MCEE: variants seen among roughly 807,000 people sequenced by gnomAD.
The protein encoded by MCEE is methylmalonyl-CoA epimerase, mitochondrial.
In MCEE, 6 loss-of-function variants were observed where a neutral mutation model predicts 12.9. The ratio of observed to expected loss-of-function variants is 0.47; its 90% CI spans 0.26 to 0.92. The LOEUF is 0.92. Among genes scored for constraint, MCEE ranks in the 40% least tolerant of loss-of-function variants. MCEE has a pLI of 0.16. For synonymous variants in MCEE, 78 were observed against 77.9 expected (o/e 1.00, Z -0.01); for missense variants, 214 against 212.1 (o/e 1.01, Z -0.05).
At chr2:71,114,463 A>G (rs1244452998) in intron 2 of MCEE, among the ~76,000 whole-genome samples, 5 of 152,210 alleles carry the variant, frequency 3.3e-5, no homozygotes, top group African/African-American at 1.2e-4. Context: ...AATAACAATG[A>G]ATTGGTATTG....
At chr2:71,128,098 A>AT (rs11426874) in intron 1 of MCEE, among the ~76,000 whole-genome samples, 42,209 of 151,856 alleles carry the variant, frequency 0.28, 6,918 homozygotes, top group East Asian at 0.63. Context: ...ACTATGATCA[A>AT]TTTTTTTTAT....
At position 71,111,954 on chromosome 2, in the gene MCEE, AG is replaced by A. The variant is rs144695284; in HGVS notation, c.379-1833del. Reference sequence around the variant, plus strand: ...TCTAGGTTGCTTGTTTGTTTCAGGGAGGATAAACTGATCTCTTTTACACCAA... The same window carrying A: ...TCTAGGTTGCTTGTTTGTTTCAGGGAGATAAACTGATCTCTTTTACACCAA... On this transcript the variant is annotated intron_variant, in intron 2 of 2. Transcript: ENST00000244217. 4.0e-3 allele frequency among the ~76,000 whole-genome samples: 606 copies of A among 152,298 alleles called. 45 individuals are homozygous for A. In the East Asian group the frequency reaches 0.093, roughly 23 times the overall value.
In MCEE at chr2:71,130,196, T is replaced by C. The variant is rs1673340709; in HGVS notation, c.24A>G (p.Ala8=). 1 of 1,608,464 alleles carries C rather than the reference T, an allele frequency of 6.2e-7. No individual in the cohort carries two copies. The highest frequency in any genetic ancestry group is 8.5e-7 in the Non-Finnish European group (1 of 1,178,448). MARVLKA[A]AANAVGLFSR... is the part of the protein sequence containing the mutation. ...GGTATTCACCTACGGCATTCGCGGC[T>C]GCAGCCTTCAGCACCCGCGCCATTT... Residue 8 remains alanine (A), a synonymous_variant, in exon 1 of 3, where the codon GCA becomes GCG. Coordinates refer to ENST00000244217, the MANE Select transcript of MCEE (RefSeq NM_032601.4).
At chr2:71,114,714 T>C (rs1029681305) in intron 2 of MCEE, among the ~76,000 whole-genome samples, 3 of 152,224 alleles carry the variant, frequency 2.0e-5, no homozygotes, top group African/African-American at 7.2e-5. Context: ...ATAAAGATGA[T>C]GTCACCGTGG....
intron 2 of MCEE, among the ~76,000 whole-genome samples, chr2:71,122,296 A>G (rs1253942408): frequency 6.6e-6 from 1 of 152,030 alleles, no homozygotes; most frequent in Non-Finnish European, 1.5e-5. Context: ...ACCACACCTG[A>G]CTAGCTTTTT....
chr2:71,111,673 C>T (rs981597900), intron 2 of MCEE, among the ~76,000 whole-genome samples: 5 of 152,160 alleles, frequency 3.3e-5, no homozygotes, highest in African/African-American at 9.7e-5. Context: ...ACTCTCTGTG[C>T]AGCTCTCCTT....
chr2:71,109,708 C>T lies in MCEE; in HGVS notation c.*262G>A, dbSNP rs72903553. On this transcript the variant is annotated 3_prime_UTR_variant, in exon 3 of 3. Coordinates refer to ENST00000244217, the MANE Select transcript of MCEE (RefSeq NM_032601.4). ...ATTGTAGAAGAGGAATAATTTATTT[C>T]TATATGATTTTAATAATGTTCCCTA... 0.028 allele frequency: 6,741 copies of T among 244,234 alleles called. 399 individuals are homozygous for T. Among genetic ancestry groups the T allele is most frequent in the African/African-American group, 0.13 (5,762 of 43,020 alleles). 15.1% of individuals were successfully genotyped at this position (244,234 alleles called of 1,614,324 possible).
chr2:71,125,207 ATATATTT>A (rs1432641611), intron 1 of MCEE, among the ~76,000 whole-genome samples: 1 of 46,602 alleles, frequency 2.1e-5, no homozygotes, highest in African/African-American at 6.2e-5. Context: ...ATATATATAT[ATATATTT>A]TTTTTTTTTT....
intron 1 of MCEE, among the ~76,000 whole-genome samples, chr2:71,127,788 G>C (rs755773347): frequency 3.9e-5 from 6 of 152,104 alleles, no homozygotes; most frequent in African/African-American, 1.4e-4. Flanking sequence ...CACCACGCCC[G>C]GTTAATTTTT....
intron 2 of MCEE, among the ~76,000 whole-genome samples, chr2:71,123,891 T>G (rs1366129054): frequency 1.3e-5 from 2 of 152,252 alleles, no homozygotes; most frequent in Non-Finnish European, 2.9e-5. Context: ...TGAAAACAGC[T>G]GTATTCCTGT....
intron 2 of MCEE, among the ~76,000 whole-genome samples, chr2:71,121,979 T>G (rs1673109232): frequency 6.6e-6 from 1 of 152,182 alleles, no homozygotes; most frequent in Non-Finnish European, 1.5e-5. Context: ...CTGCTATTGA[T>G]ATGACCATGG....
intron 2 of MCEE, among the ~76,000 whole-genome samples, chr2:71,114,274 A>C (rs922580830): frequency 1.3e-5 from 2 of 152,176 alleles, no homozygotes; most frequent in African/African-American, 4.8e-5. Context: ...AGGTGCAGCA[A>C]ACCACCATGG....
chr2:71,117,635 C>G (rs1367785936), intron 2 of MCEE: 1 of 150,266 alleles, frequency 6.7e-6, no homozygotes, highest in Non-Finnish European at 1.5e-5. Flanking sequence ...CATCTATTGT[C>G]TAATCACTCA....
chr2:71,122,511 T>C (rs1673118725), intron 2 of MCEE, among the ~76,000 whole-genome samples: 1 of 152,166 alleles, frequency 6.6e-6, no homozygotes, highest in Non-Finnish European at 1.5e-5. Flanking sequence ...TCCACGTGGC[T>C]GGGGAGGCCT....
chr2:71,117,213 T>G (rs1354938389), intron 2 of MCEE, among the ~76,000 whole-genome samples: 2 of 150,530 alleles, frequency 1.3e-5, no homozygotes, highest in African/African-American at 5.0e-5. Flanking sequence ...GCTGAGTGAA[T>G]TATGCAAGCC....
In MCEE at chr2:71,120,617, T is replaced by C. The variant is rs559933615; in HGVS notation, c.378+3589A>G. Among the ~76,000 whole-genome samples, 40 of 150,226 alleles carry C rather than the reference T, an allele frequency of 2.7e-4. 1 individual carries two copies. The highest frequency in any genetic ancestry group is 5.9e-4 in the Non-Finnish European group (40 of 68,012). On this transcript the variant is annotated intron_variant, in intron 2 of 2. Coordinates refer to ENST00000244217, the MANE Select transcript of MCEE (RefSeq NM_032601.4). ...TCGTCAAGTGAGTCAACAAAAACCA[T>C]GGAGCATGCACCAACAGATATATGC...
chr2:71,116,117 G>A (rs1672987488), intron 2 of MCEE, among the ~76,000 whole-genome samples: 1 of 149,948 alleles, frequency 6.7e-6, no homozygotes. Flanking sequence ...GTCTTGCTCT[G>A]TGGCCCAGGC....
At chr2:71,125,211 A>ATATATATATATATTTTTTTTTTT in intron 1 of MCEE, among the ~76,000 whole-genome samples, 3 of 48,606 alleles carry the variant, frequency 6.2e-5, no homozygotes, top group Middle Eastern at 0.031. Flanking sequence ...ATATATATAT[A>ATATATATATATATTTTTTTTTTT]TTTTTTTTTT....
chr2:71,109,756 CTTCAAA>C lies in MCEE; in HGVS notation c.*208_*213del. 3.2e-6 allele frequency: 1 copy of C among 313,048 alleles called. No individual in the cohort carries two copies. Among genetic ancestry groups the C allele is most frequent in the Non-Finnish European group, 5.7e-6 (1 of 174,974 alleles). 19.4% of individuals were successfully genotyped at this position (313,048 alleles called of 1,614,324 possible). A position where few individuals can be genotyped will look rare whatever the true frequency, so the allele number is the denominator to read the frequency against. ...CTAAGTAATTAGTAATCAAGATTTT[CTTCAAA>C]TTCAAATTAACAAATATGTTTGTTA... On this transcript the variant is annotated 3_prime_UTR_variant, in exon 3 of 3. Transcript: ENST00000244217.
Sources: allele counts gnomAD v4.1 joint callset (sites outside exome capture counted in the v4.1 genomes callset), GRCh38; gene constraint gnomAD v4.1.1; transcripts MANE v1.5; gene names NCBI Gene and HGNC (gene_info 2026-07-23, HGNC 2026-07-21).